The following PRKDC variants were observed in gnomAD, a reference collection of about 807,000 sequenced individuals.
The protein encoded by PRKDC is protein kinase, DNA-activated, catalytic subunit.
Under a neutral mutation model 486.9 loss-of-function variants are expected in PRKDC, and 82 were observed. The ratio of observed to expected loss-of-function variants is 0.17; its 90% CI spans 0.14 to 0.20. The LOEUF (loss-of-function observed/expected upper bound fraction) is 0.20. PRKDC is among the 10% of genes least tolerant of loss of function. PRKDC has a pLI of 1.00. For missense variants in PRKDC, 4,504 were observed against 5,038.2 expected (o/e 0.89, Z 3.21); for synonymous variants, 1,895 against 1,837.0 (o/e 1.03, Z -0.81).
chr8:47,956,682 G>T (rs1366526075), intron 3 of PRKDC, among the ~76,000 whole-genome samples: 6 of 151,712 alleles, frequency 4.0e-5, no homozygotes, highest in Non-Finnish European at 4.4e-5. Flanking sequence ...CAGCCTGGAT[G>T]ACAGAGCAAA....
In PRKDC at chr8:47,836,560, T is replaced by C. The variant is rs527945247; in HGVS notation, c.7762-33A>G. 17 of 1,524,340 alleles carry C rather than the reference T, an allele frequency of 1.1e-5. No homozygotes were observed. The East Asian group carries it at 3.7e-4, about 33-fold the overall frequency. 94.4% of individuals were successfully genotyped at this position (1,524,340 alleles called of 1,614,324 possible). A position where few individuals can be genotyped will look rare whatever the true frequency, so the allele number is the denominator to read the frequency against. On this transcript the variant is annotated intron_variant, in intron 57 of 85. Transcript: ENST00000314191. ...TAAGAAAGTTTCAAATGAAATAAAG[T>C]TTCAAATGAAATAATGCTCCTTTTT...
At chr8:47,775,364 ATTTTTTTTTTTT>A (rs761373021) in intron 85 of PRKDC, among the ~76,000 whole-genome samples, 10 of 87,556 alleles carry the variant, frequency 1.1e-4, no homozygotes, top group South Asian at 7.6e-4. Flanking sequence ...TCTTTTGACC[ATTTTTTTTTTTT>A]TTTTTTTTTT....
intron 22 of PRKDC, among the ~76,000 whole-genome samples, chr8:47,916,312 G>A (rs1454937759): frequency 6.6e-6 from 1 of 152,048 alleles, no homozygotes; most frequent in African/African-American, 2.4e-5. Context: ...GCCAGGCGTG[G>A]TGGCACGCAC....
Position 47,834,350 on chromosome 8 carries a change from C to T in PRKDC, c.7998G>A (p.Pro2666=), listed in dbSNP as rs769310297. Reference sequence around the variant, plus strand: ...ATGAGGGACTGGTGTGGTCGACCAGCGGGTCAGTGCTGCTCCCGGTCAGCC... The same window carrying T: ...ATGAGGGACTGGTGTGGTCGACCAGTGGGTCAGTGCTGCTCCCGGTCAGCC... The part of the protein sequence containing the change: ...FDWLTGSSTD[P]LVDHTSPSSD... The change falls in exon 59 of 86, where the codon CCG becomes CCA. Residue 2666 remains proline (P), a synonymous_variant. Transcript: ENST00000314191. The T allele has an allele frequency of 8.7e-6, 14 of 1,613,930 alleles. No homozygotes were observed. The Admixed American group carries it at 1.0e-4, about 12-fold the overall frequency.
rs752546678 is a variant in PRKDC at position 47,794,341 on chromosome 8, T to C, written c.10619A>G (p.Tyr3540Cys). The stretch of plus-strand genomic sequence containing the variant: ...ACCAGTAGAAGTATCCTTGAAGGAA[T>C]AGCTTTCGCTGCTTATGATGAAGGG... ...VYPFIISSES[Y>C]SFKDTSTGHK... Residue 3540 changes from tyrosine (Y) to cysteine (C), a missense_variant, in exon 74 of 86, where the codon TAT (tyrosine) becomes TGT (cysteine). Physicochemically the swap from Tyr to Cys is radical, Grantham distance 194 (BLOSUM62 -2). This residue lies in a region of PRKDC where 706 missense variants were observed against 945.0 expected (regional missense o/e 0.75). Transcript: ENST00000314191. The C allele has an allele frequency of 1.2e-5, 20 of 1,613,612 alleles. No individual in the cohort carries two copies. Among genetic ancestry groups the C allele is most frequent in the Non-Finnish European group, 1.6e-5 (19 of 1,179,786 alleles).
chr8:47,879,994 T>C (rs1461801703), intron 38 of PRKDC, among the ~76,000 whole-genome samples: 1 of 152,050 alleles, frequency 6.6e-6, no homozygotes, highest in African/African-American at 2.4e-5. Flanking sequence ...TACAGGCGCC[T>C]GCCACTATGC....
chr8:47,953,751 C>A (rs766761319), intron 6 of PRKDC, 32 bp from the exon 7 acceptor site: 2 of 1,589,700 alleles, frequency 1.3e-6, no homozygotes, highest in Non-Finnish European at 8.6e-7. Context: ...GATGTCATTA[C>A]AAGAGAAAAA....
intron 83 of PRKDC, 139 bp from the exon 84 acceptor site, chr8:47,778,013 A>G: frequency 4.7e-6 from 4 of 856,906 alleles, no homozygotes; most frequent in South Asian, 3.4e-5. Flanking sequence ...AATCAGCTAC[A>G]CAGATGTGAG....
Position 47,823,927 on chromosome 8 carries a change from T to C in PRKDC, c.8853A>G (p.Gln2951=). The change falls in exon 64 of 86, where the codon CAA becomes CAG. Residue 2951 remains glutamine (Q), a synonymous_variant. Transcript: ENST00000314191. ...CTGCTAATAATGCACTCTGAGTGAT[T>C]TGCTTTGTTCCTATCTCACTGGTAA... ...GIFTSEIGTK[Q]ITQSALLAEA... The C allele has an allele frequency of 6.2e-7, 1 of 1,613,928 alleles. No homozygotes were observed. Among genetic ancestry groups the C allele is most frequent in the Non-Finnish European group, 8.5e-7 (1 of 1,179,846 alleles).
chr8:47,919,838 C>G (rs2090045464), intron 21 of PRKDC, among the ~76,000 whole-genome samples: 2 of 151,792 alleles, frequency 1.3e-5, no homozygotes, highest in Admixed American at 6.6e-5. Context: ...GGGAACAGGC[C>G]CCCAAATCTG....
intron 56 of PRKDC, among the ~76,000 whole-genome samples, chr8:47,837,654 A>G (rs915200043): frequency 7.2e-5 from 11 of 152,046 alleles, no homozygotes; most frequent in Non-Finnish European, 1.6e-4. Flanking sequence ...AGGGGAGGGG[A>G]GAAACTGGGT....
At chr8:47,919,542 C>T (rs966752801) in intron 21 of PRKDC, among the ~76,000 whole-genome samples, 23 of 152,330 alleles carry the variant, frequency 1.5e-4, no homozygotes, top group Admixed American at 4.6e-4. Flanking sequence ...GTGAGCTGCG[C>T]CGCGGGAGGG....
intron 37 of PRKDC, 122 bp from the exon 38 acceptor site, chr8:47,881,642 T>C (rs540399728): frequency 1.5e-6 from 1 of 647,200 alleles, no homozygotes; most frequent in Non-Finnish European, 2.6e-6. Context: ...GCTTCAATAA[T>C]ATTTTCACAA....
chr8:47,888,800 A>G (rs913559891), intron 33 of PRKDC, 150 bp from the exon 34 acceptor site: 2 of 1,260,930 alleles, frequency 1.6e-6, no homozygotes, highest in South Asian at 1.6e-5. Context: ...GAGATCAAAC[A>G]TGGCGCTAAC....
intron 38 of PRKDC, among the ~76,000 whole-genome samples, chr8:47,880,417 AGAAAATTCCAAGACTGTCTATG>A (rs1316377147): frequency 6.6e-6 from 1 of 152,202 alleles, no homozygotes; most frequent in Non-Finnish European, 1.5e-5. Context: ...CTCGCATGGC[AGAAAATTCCAAGACTGTCTATG>A]GAGAAATGGG....
At chr8:47,810,684 C>A (rs1171093654) in intron 68 of PRKDC, among the ~76,000 whole-genome samples, 2 of 152,086 alleles carry the variant, frequency 1.3e-5, no homozygotes, top group Non-Finnish European at 2.9e-5. Context: ...AAGAAAAACA[C>A]ACATGCAATA....
intron 74 of PRKDC, among the ~76,000 whole-genome samples, chr8:47,793,682 C>CAAAA (rs2086924868): frequency 1.2e-5 from 1 of 86,746 alleles, no homozygotes; most frequent in African/African-American, 5.3e-5. Flanking sequence ...TTTAAAAAAA[C>CAAAA]TAAAAAAAAA....
intron 16 of PRKDC, 50 bp from the exon 17 acceptor site, chr8:47,930,837 C>T: frequency 6.7e-7 from 1 of 1,484,528 alleles, no homozygotes; most frequent in Non-Finnish European, 9.0e-7. Context: ...AATCACGAAT[C>T]ACTCAACAAA....
intron 21 of PRKDC, among the ~76,000 whole-genome samples, chr8:47,921,696 C>T (rs536222832): frequency 9.9e-5 from 15 of 152,186 alleles, no homozygotes; most frequent in Non-Finnish European, 1.3e-4. Context: ...CAGTTTTCTA[C>T]GTGAAACATG....
Sources: allele counts gnomAD v4.1 joint callset (sites outside exome capture counted in the v4.1 genomes callset), GRCh38; gene constraint gnomAD v4.1.1; regional missense constraint gnomAD v4.1.1; transcripts MANE v1.5; gene names NCBI Gene and HGNC (gene_info 2026-07-23, HGNC 2026-07-21).